The following QTMAN variants were observed in gnomAD, a reference collection of about 807,000 sequenced individuals.
QTMAN encodes the protein tRNA-queuosine alpha-mannosyltransferase.
At chr2:144,131,148 T>C in the QTMAN span, among the ~76,000 whole-genome samples, 2 of 151,886 alleles carry the variant, frequency 1.3e-5, no homozygotes, top group Admixed American at 6.6e-5. Flanking sequence ...TGCAGGTCAA[T>C]ATAACAAATC....
chr2:144,163,484 C>G, the QTMAN span, among the ~76,000 whole-genome samples: 1 of 152,066 alleles, frequency 6.6e-6, no homozygotes, highest in Non-Finnish European at 1.5e-5. Context: ...CTAATTTATC[C>G]ATAACTATAA....
At chr2:144,309,420 T>G in the QTMAN span, among the ~76,000 whole-genome samples, 1 of 152,172 alleles carries the variant, frequency 6.6e-6, no homozygotes. Context: ...ATTTATACAA[T>G]AGAACACTAT....
the QTMAN span, among the ~76,000 whole-genome samples, chr2:144,083,248 T>G: frequency 6.6e-5 from 10 of 152,188 alleles, no homozygotes; most frequent in African/African-American, 2.4e-4. Flanking sequence ...CTGCCTCTCT[T>G]GAAATACCTT....
chr2:144,011,876 G>T, the QTMAN span: 1 of 255,544 alleles, frequency 3.9e-6, no homozygotes, highest in Non-Finnish European at 6.1e-6. Flanking sequence ...AGGGTCAGAA[G>T]AAAAACAGTA....
chr2:144,034,019 A>G, the QTMAN span, among the ~76,000 whole-genome samples: 2 of 152,218 alleles, frequency 1.3e-5, no homozygotes, highest in African/African-American at 4.8e-5. Context: ...AAGTCTTCGA[A>G]TATCCAGGAT....
At chr2:144,247,310 A>C in the QTMAN span, among the ~76,000 whole-genome samples, 1 of 152,266 alleles carries the variant, frequency 6.6e-6, no homozygotes, top group African/African-American at 2.4e-5. Context: ...AAGAATTATT[A>C]AGAGGGACAA....
chr2:143,968,216 A>C, the QTMAN span, among the ~76,000 whole-genome samples: 1 of 152,204 alleles, frequency 6.6e-6, no homozygotes, highest in African/African-American at 2.4e-5. Flanking sequence ...GGCAGAAAAA[A>C]ATCTCTGTTG....
At chr2:144,106,076 G>C in the QTMAN span, among the ~76,000 whole-genome samples, 1 of 152,104 alleles carries the variant, frequency 6.6e-6, no homozygotes, top group African/African-American at 2.4e-5. Flanking sequence ...GTCACCACCA[G>C]GCCTGCCCTA....
the QTMAN span, among the ~76,000 whole-genome samples, chr2:144,199,194 C>T: frequency 6.6e-6 from 1 of 152,014 alleles, no homozygotes; most frequent in South Asian, 2.1e-4. Flanking sequence ...ATTACAGGTG[C>T]CCACCACTAC....
the QTMAN span, among the ~76,000 whole-genome samples, chr2:144,042,071 T>C: frequency 6.6e-6 from 1 of 152,132 alleles, no homozygotes; most frequent in East Asian, 1.9e-4. Context: ...CTATAGACAA[T>C]TCTCTATGGG....
the QTMAN span, among the ~76,000 whole-genome samples, chr2:144,154,575 A>G: frequency 3.6e-3 from 545 of 152,346 alleles, 2 homozygotes; most frequent in Non-Finnish European, 5.9e-3. Context: ...TACAGATAAT[A>G]GGGTAATGAG....
chr2:144,243,588 G>A, the QTMAN span, among the ~76,000 whole-genome samples: 1 of 152,174 alleles, frequency 6.6e-6, no homozygotes, highest in African/African-American at 2.4e-5. Context: ...TGTTAGAAAC[G>A]ACTTGAAAGG....
At chr2:144,069,582 GATC>G in the QTMAN span, among the ~76,000 whole-genome samples, 2 of 151,718 alleles carry the variant, frequency 1.3e-5, no homozygotes, top group African/African-American at 2.4e-5. Flanking sequence ...TAACAGGTTT[GATC>G]ATACTGTTTT....
At chr2:143,998,801 C>T in the QTMAN span, among the ~76,000 whole-genome samples, 1 of 152,000 alleles carries the variant, frequency 6.6e-6, no homozygotes, top group Non-Finnish European at 1.5e-5. Flanking sequence ...TCTATTTTAA[C>T]AAAATCTTGA....
the QTMAN span, among the ~76,000 whole-genome samples, chr2:144,124,907 TTTTCCCC>T: frequency 6.6e-6 from 1 of 152,130 alleles, no homozygotes; most frequent in Non-Finnish European, 1.5e-5. Flanking sequence ...GTCAATGTTC[TTTTCCCC>T]TAAACTTTTC....
At chr2:144,292,186 A>T in the QTMAN span, among the ~76,000 whole-genome samples, 16 of 152,324 alleles carry the variant, frequency 1.1e-4, no homozygotes, top group East Asian at 2.9e-3. Flanking sequence ...AACAAGTAAG[A>T]TCTGCACACC....
the QTMAN span, among the ~76,000 whole-genome samples, chr2:144,253,870 G>T: frequency 6.6e-6 from 1 of 152,210 alleles, no homozygotes; most frequent in Non-Finnish European, 1.5e-5. Flanking sequence ...TGTCTCCAGG[G>T]CATGTTAGAG....
chr2:143,958,510 G>T, the QTMAN span, among the ~76,000 whole-genome samples: 1 of 152,048 alleles, frequency 6.6e-6, no homozygotes, highest in Admixed American at 6.6e-5. Context: ...AAGGTCTTGG[G>T]TAAGATAATT....
chr2:144,024,083 G>A, the QTMAN span, among the ~76,000 whole-genome samples: 5 of 152,240 alleles, frequency 3.3e-5, no homozygotes, highest in Non-Finnish European at 5.9e-5. Context: ...CAAATGGCCA[G>A]ATGGCCCTGC....
Sources: allele counts gnomAD v4.1 joint callset (sites outside exome capture counted in the v4.1 genomes callset), GRCh38; gene constraint gnomAD v4.1.1; transcripts MANE v1.5; gene names NCBI Gene and HGNC (gene_info 2026-07-23, HGNC 2026-07-21).